CACNA2D1: variants seen among roughly 807,000 people sequenced by gnomAD.
The protein encoded by CACNA2D1 is voltage-dependent calcium channel subunit alpha-2/delta-1.
In CACNA2D1, 53 loss-of-function variants were observed where a neutral mutation model predicts 171.5. That is an observed-to-expected ratio of 0.31 (90% CI 0.25 to 0.39). CACNA2D1 has a LOEUF of 0.39. Ranked by LOEUF, CACNA2D1 falls within the 10% of genes least tolerant of loss-of-function variation. The pLI, the probability that CACNA2D1 is intolerant of heterozygous loss-of-function variation, is 1.00. For missense variants in CACNA2D1, 903 were observed against 1,299.8 expected (o/e 0.69, Z 4.69); for synonymous variants, 442 against 443.1 (o/e 1.00, Z 0.03).
intron 3 of CACNA2D1, among the ~76,000 whole-genome samples, chr7:82,265,097 G>T (rs1585266441): frequency 6.6e-6 from 1 of 152,140 alleles, no homozygotes; most frequent in East Asian, 1.9e-4. Flanking sequence ...TGAATGGCTG[G>T]CTGAATAGAT....
At chr7:82,332,510 T>TAAAGAAAGAAAAAGAAAG (rs1554514821) in intron 3 of CACNA2D1, among the ~76,000 whole-genome samples, 64 of 92,648 alleles carry the variant, frequency 6.9e-4, no homozygotes, top group African/African-American at 2.3e-3. Context: ...AAAAGAAATA[T>TAAAGAAAGAAAAAGAAAG]AAAGAAAGAA....
At chr7:82,399,692 C>T (rs1267880267) in intron 1 of CACNA2D1, among the ~76,000 whole-genome samples, 3 of 137,732 alleles carry the variant, frequency 2.2e-5, no homozygotes, top group African/African-American at 5.4e-5. Flanking sequence ...CACTCCCCAC[C>T]CCCCCAGCCC....
At chr7:82,104,063 A>G (rs1253316796) in intron 6 of CACNA2D1, among the ~76,000 whole-genome samples, 2 of 152,068 alleles carry the variant, frequency 1.3e-5, no homozygotes, top group Non-Finnish European at 2.9e-5. Context: ...AGTTTTATTC[A>G]CAAGCTATTT....
intron 1 of CACNA2D1, among the ~76,000 whole-genome samples, chr7:82,349,955 T>C (rs1185560384): frequency 3.9e-5 from 6 of 152,220 alleles, no homozygotes; most frequent in African/African-American, 1.2e-4. Context: ...TAAATAGCTA[T>C]TAAACATTCT....
upstream of CACNA2D1, chr7:82,443,871 G>A (rs1830698611): frequency 2.5e-6 from 1 of 396,106 alleles, no homozygotes; most frequent in Admixed American, 4.5e-5. Context: ...CGGCGCTGGA[G>A]GGTGGGGGTG....
At chr7:82,318,365 T>C (rs1815363723) in intron 3 of CACNA2D1, among the ~76,000 whole-genome samples, 1 of 152,192 alleles carries the variant, frequency 6.6e-6, no homozygotes, top group Admixed American at 6.5e-5. Flanking sequence ...TCCTAAAATA[T>C]ACTCACTTAT....
intron 4 of CACNA2D1, among the ~76,000 whole-genome samples, chr7:82,165,347 G>A (rs768479282): frequency 9.2e-5 from 14 of 151,860 alleles, no homozygotes; most frequent in Non-Finnish European, 1.6e-4. Context: ...GTACTATCAC[G>A]TACTATTGTC....
At chr7:82,162,873 C>T (rs551397575) in intron 4 of CACNA2D1, among the ~76,000 whole-genome samples, 8 of 152,080 alleles carry the variant, frequency 5.3e-5, no homozygotes, top group African/African-American at 1.9e-4. Context: ...AGTGACTGCA[C>T]CCCATGCCTA....
At position 81,967,034 on chromosome 7, in the gene CACNA2D1, T is replaced by C. The variant is rs540433109; in HGVS notation, c.2502+135A>G. 128 of 648,334 alleles carry C rather than the reference T, an allele frequency of 2.0e-4. No homozygotes were observed. The East Asian group carries it at 3.5e-3, about 18-fold the overall frequency. 40.2% of individuals were successfully genotyped at this position (648,334 alleles called of 1,614,324 possible). ...AAAAGCATACAAATTCAAATGAATA[T>C]ATTATTTCACATTTCCATAGAATTT... is the stretch of plus-strand genomic sequence containing the variant. On this transcript the variant is annotated intron_variant, in intron 31 of 38. Transcript: ENST00000356860.
intron 3 of CACNA2D1, among the ~76,000 whole-genome samples, chr7:82,298,806 T>C (rs1812610551): frequency 6.6e-6 from 1 of 152,122 alleles, no homozygotes; most frequent in South Asian, 2.1e-4. Flanking sequence ...CTCACGCCTA[T>C]AATCTCAGCA....
At chr7:82,157,930 G>C (rs1004947163) in intron 4 of CACNA2D1, among the ~76,000 whole-genome samples, 2 of 151,898 alleles carry the variant, frequency 1.3e-5, no homozygotes, top group Non-Finnish European at 2.9e-5. Context: ...GAAACACTAA[G>C]ATTGCAGTAA....
intron 1 of CACNA2D1, among the ~76,000 whole-genome samples, chr7:82,365,486 A>G (rs899751323): frequency 2.6e-5 from 4 of 152,234 alleles, no homozygotes; most frequent in Non-Finnish European, 5.9e-5. Context: ...TCTCAGGAAA[A>G]TAATGTTCAT....
chr7:82,239,403 A>C (rs1358867936), intron 3 of CACNA2D1, among the ~76,000 whole-genome samples: 1 of 152,034 alleles, frequency 6.6e-6, no homozygotes, highest in African/African-American at 2.4e-5. Flanking sequence ...CTTTTTAAAT[A>C]CTCAGCAGAC....
intron 3 of CACNA2D1, among the ~76,000 whole-genome samples, chr7:82,197,878 T>A (rs1799010176): frequency 6.6e-6 from 1 of 151,870 alleles, no homozygotes; most frequent in South Asian, 2.1e-4. Context: ...GTTATATTTA[T>A]GGGAAATGTG....
Position 82,385,647 on chromosome 7 carries a change from G to GTTGTTTTGTT in CACNA2D1, c.96-36008_96-35999dup, listed in dbSNP as rs36232215. On this transcript the variant is annotated intron_variant, in intron 1 of 38. Transcript: ENST00000356860. ...GACATTATATTTAAGGGGTTTTTTGGTTGTTTTGTTTTGTTTTGTTTTGTT... is the reference window on the plus strand; with the variant it reads ...GACATTATATTTAAGGGGTTTTTTGGTTGTTTTGTTTTGTTTTGTTTTGTTTTGTTTTGTT... 8.9e-5 allele frequency among the ~76,000 whole-genome samples: 13 copies of GTTGTTTTGTT among 146,030 alleles called. No individual in the cohort carries two copies. In the South Asian group the frequency reaches 2.5e-3, roughly 29 times the overall value.
intron 12 of CACNA2D1, among the ~76,000 whole-genome samples, chr7:82,018,406 G>T (rs765099878): frequency 4.9e-4 from 75 of 152,250 alleles, no homozygotes; most frequent in Non-Finnish European, 9.1e-4. Context: ...ATTACAGTAT[G>T]TGGTAAGAGC....
intron 1 of CACNA2D1, among the ~76,000 whole-genome samples, chr7:82,410,133 T>C (rs1406501772): frequency 3.3e-5 from 5 of 152,230 alleles, no homozygotes; most frequent in African/African-American, 1.2e-4. Context: ...ACTATTACAC[T>C]TACTTTTCTC....
intron 3 of CACNA2D1, among the ~76,000 whole-genome samples, chr7:82,271,396 C>T (rs187050095): frequency 3.3e-5 from 5 of 151,996 alleles, no homozygotes; most frequent in African/African-American, 1.2e-4. Flanking sequence ...ATTTTATTTC[C>T]TTTATCATCT....
At chr7:81,987,238 TAAG>T (rs1797063916) in intron 21 of CACNA2D1, among the ~76,000 whole-genome samples, 1 of 152,226 alleles carries the variant, frequency 6.6e-6, no homozygotes, top group South Asian at 2.1e-4. Flanking sequence ...TATAGTCAGA[TAAG>T]ATCTTTATCA....
Sources: gnomAD v4.1 joint callset for allele counts (sites outside exome capture counted in the v4.1 genomes callset) on GRCh38, gnomAD v4.1.1 for gene constraint, MANE v1.5 for transcripts, NCBI Gene and HGNC (gene_info 2026-07-23, HGNC 2026-07-21) for gene names.